Variants in JAKMIP1 observed in about 807,000 individuals in gnomAD.
JAKMIP1 encodes janus kinase and microtubule-interacting protein 1.
In JAKMIP1, 33 loss-of-function variants were observed where a neutral mutation model predicts 113.0. The observed-to-expected ratio is 0.29, with a 90% CI of 0.22 to 0.39. JAKMIP1 has a LOEUF of 0.39. Ranked by LOEUF, JAKMIP1 falls within the 10% of genes least tolerant of loss-of-function variation. JAKMIP1 has a pLI of 1.00. For missense variants in JAKMIP1, 813 were observed against 1,080.5 expected, an observed-to-expected ratio of 0.75 and a Z score of 3.47; for synonymous variants, 480 against 459.9, an observed-to-expected ratio of 1.04 and a Z score of -0.56.
chr4:6,112,598 G>T (rs964586126), intron 2 of JAKMIP1, 124 bp downstream of exon 2: 2 of 1,147,570 alleles, frequency 1.7e-6, no homozygotes, highest in Non-Finnish European at 2.5e-6. Flanking sequence ...GCAGGGCAGA[G>T]AGGTGAAGTG....
intron 1 of JAKMIP1, among the ~76,000 whole-genome samples, chr4:6,144,738 A>G (rs78501167): frequency 0.017 from 2,547 of 152,350 alleles, 18 homozygotes; most frequent in Middle Eastern, 0.051. Context: ...TCACAACCCA[A>G]TAAAGAGCAT....
intron 10 of JAKMIP1, 141 bp from the exon 11 acceptor site, chr4:6,060,648 A>T: frequency 1.5e-6 from 1 of 678,954 alleles, no homozygotes; most frequent in Non-Finnish European, 2.7e-6. Context: ...AGGAGCACGT[A>T]TTCAACCTTG....
chr4:6,028,657 C>T (rs555696904), intron 20 of JAKMIP1, among the ~76,000 whole-genome samples: 7 of 152,242 alleles, frequency 4.6e-5, no homozygotes, highest in South Asian at 2.1e-4. Flanking sequence ...CTCACAAGAC[C>T]GGCCTCAGAC....
At chr4:6,170,659 A>G (rs1205678637) in intron 1 of JAKMIP1, among the ~76,000 whole-genome samples, 2 of 149,282 alleles carry the variant, frequency 1.3e-5, no homozygotes, top group African/African-American at 2.5e-5. Context: ...TACCACCACC[A>G]ATCCCACCAC....
At position 6,067,421 on chromosome 4, in the gene JAKMIP1, C is replaced by T. The variant is rs1396948090; in HGVS notation, c.1303-2413G>A. Among the ~76,000 whole-genome samples, 1 of 152,180 alleles carries T rather than the reference C, an allele frequency of 6.6e-6. No homozygotes were observed. Among genetic ancestry groups the T allele is most frequent in the Non-Finnish European group, 1.5e-5 (1 of 68,034 alleles). On this transcript the variant is annotated intron_variant, in intron 8 of 20. Coordinates refer to ENST00000409021, the MANE Select transcript of JAKMIP1 (RefSeq NM_001099433.2). This position sits in a 1 kb window ranked among gnomAD's most constrained non-coding sequence, Gnocchi z 4.6. ...CCATCAACTTCAATGTCATTTCTCT[C>T]CTTGCAGAGGCTGGAGACAATCATC...
chr4:6,112,156 C>T (rs1002332286), intron 2 of JAKMIP1, among the ~76,000 whole-genome samples: 1 of 152,184 alleles, frequency 6.6e-6, no homozygotes. Flanking sequence ...GAACTGCAAC[C>T]TAACTTAGCA....
At chr4:6,056,047 G>T (rs1716388161) in intron 12 of JAKMIP1, among the ~76,000 whole-genome samples, 1 of 149,744 alleles carries the variant, frequency 6.7e-6, no homozygotes, top group Non-Finnish European at 1.5e-5. Flanking sequence ...TTTCTGCAGG[G>T]TGTCCCCAGA....
In JAKMIP1 at chr4:6,039,565, G is replaced by A. The variant is rs538058632; in HGVS notation, c.2175+1074C>T. ...AAGCACCAAGCCTGGACCAAAACAC[G>A]AATGGAGAATGTCTCCATTCGTTAG... On this transcript the variant is annotated intron_variant, in intron 18 of 20. Transcript: ENST00000409021. Among the ~76,000 whole-genome samples, 5 of 152,248 alleles carry A rather than the reference G, an allele frequency of 3.3e-5. No individual in the cohort carries two copies. The South Asian group carries it at 6.2e-4, about 19-fold the overall frequency.
chr4:6,056,804 G>C (rs1170824653), intron 11 of JAKMIP1, 45 bp from the exon 12 acceptor site: 2 of 1,328,662 alleles, frequency 1.5e-6, no homozygotes, highest in Middle Eastern at 1.8e-4. Flanking sequence ...GAAGCAAACA[G>C]ATGGTCAAGT....
chr4:6,192,019 G>T lies in JAKMIP1; in HGVS notation c.-148+8234C>A, dbSNP rs536287755. On this transcript the variant is annotated intron_variant, in intron 1 of 20. Transcript: ENST00000409021. This position sits in a 1 kb window ranked among gnomAD's most constrained non-coding sequence, Gnocchi z 5.0. ...CCAATCTTGGCTCATTACAACCTCC[G>T]CCTCCCGGGTTTGAGCTATTCTCCT... Among the ~76,000 whole-genome samples the T allele has an allele frequency of 1.3e-5, 2 of 151,808 alleles. No individual in the cohort carries two copies. Among genetic ancestry groups the T allele is most frequent in the East Asian group, 3.9e-4 (2 of 5,156 alleles).
At position 6,194,437 on chromosome 4, in the gene JAKMIP1, G is replaced by A. The variant is rs1357583319; in HGVS notation, c.-148+5816C>T. 2.0e-5 allele frequency: 3 copies of A among 152,132 alleles called. No individual in the cohort carries two copies. Among genetic ancestry groups the A allele is most frequent in the Admixed American group, 6.5e-5 (1 of 15,272 alleles). 9.4% of individuals were successfully genotyped at this position (152,132 alleles called of 1,614,324 possible). A position where few individuals can be genotyped will look rare whatever the true frequency, so the allele number is the denominator to read the frequency against. ...CACCAGATGCAACAGGATAGGGTGAGAGAAGACAGGAGACAGAAGCTCCAA... is the reference window on the plus strand; with the variant it reads ...CACCAGATGCAACAGGATAGGGTGAAAGAAGACAGGAGACAGAAGCTCCAA... On this transcript the variant is annotated intron_variant, in intron 1 of 20. Coordinates refer to ENST00000409021, the MANE Select transcript of JAKMIP1 (RefSeq NM_001099433.2). The surrounding 1 kb of genome is among the most constrained non-coding windows in gnomAD (Gnocchi z 7.4).
At chr4:6,073,169 G>T (rs544013328) in intron 8 of JAKMIP1, among the ~76,000 whole-genome samples, 1 of 151,944 alleles carries the variant, frequency 6.6e-6, no homozygotes, top group South Asian at 2.1e-4. Flanking sequence ...CCTCCAGCAG[G>T]CAGCAGGCTT....
At chr4:6,060,751 T>C (rs1032973130) in intron 10 of JAKMIP1, among the ~76,000 whole-genome samples, 5 of 152,216 alleles carry the variant, frequency 3.3e-5, no homozygotes, top group African/African-American at 9.6e-5. Flanking sequence ...TGCTTGGCTT[T>C]ACAGGCAAGG....
intron 18 of JAKMIP1, among the ~76,000 whole-genome samples, chr4:6,039,727 C>T (rs1300814122): frequency 6.6e-6 from 1 of 152,194 alleles, no homozygotes; most frequent in Non-Finnish European, 1.5e-5. Context: ...AGCCTCACAG[C>T]CTCGACAGGA....
intron 1 of JAKMIP1, among the ~76,000 whole-genome samples, chr4:6,182,368 C>G (rs1190056218): frequency 2.8e-5 from 4 of 141,128 alleles, no homozygotes; most frequent in Non-Finnish European, 6.0e-5. Flanking sequence ...GTGATTACAC[C>G]ACTGCACTCC....
intron 3 of JAKMIP1, among the ~76,000 whole-genome samples, chr4:6,103,533 G>C (rs1713428276): frequency 6.6e-6 from 1 of 152,156 alleles, no homozygotes; most frequent in East Asian, 1.9e-4. Flanking sequence ...GTTAAAATGT[G>C]TTCCTAATTC....
intron 1 of JAKMIP1, among the ~76,000 whole-genome samples, chr4:6,133,453 T>C (rs951559665): frequency 6.6e-6 from 1 of 152,110 alleles, no homozygotes; most frequent in African/African-American, 2.4e-5. Flanking sequence ...CTCAATTCCT[T>C]AAAAAGCAAA....
Position 6,050,762 on chromosome 4 carries a change from CA to C in JAKMIP1, c.1807-84del, listed in dbSNP as rs1715558672. Reference sequence around the variant, plus strand: ...TTTTCCCACGTTACTCAGCAAAAACCAAGGAATTCCAGTGGGCACAGACGTT... The same window carrying C: ...TTTTCCCACGTTACTCAGCAAAAACCAGGAATTCCAGTGGGCACAGACGTT... On this transcript the variant is annotated intron_variant, in intron 13 of 20. Coordinates refer to ENST00000409021, the MANE Select transcript of JAKMIP1 (RefSeq NM_001099433.2). This position sits in a 1 kb window ranked among gnomAD's most constrained non-coding sequence, Gnocchi z 7.4. 1.8e-5 allele frequency: 20 copies of C among 1,119,278 alleles called. No individual in the cohort carries two copies. Among genetic ancestry groups the C allele is most frequent in the Non-Finnish European group, 1.1e-5 (8 of 760,410 alleles). The allele number at this position is 1,119,278 out of a possible 1,614,324, so 69.3% of individuals were successfully genotyped here. A position where few individuals can be genotyped will look rare whatever the true frequency, so the allele number is the denominator to read the frequency against.
In JAKMIP1 at chr4:6,188,291, C is replaced by G. The variant is rs1270199321; in HGVS notation, c.-148+11962G>C. 6.6e-6 allele frequency among the ~76,000 whole-genome samples: 1 copy of G among 152,192 alleles called. No homozygotes were observed. The highest frequency in any genetic ancestry group is 1.9e-4 in the East Asian group (1 of 5,184). On this transcript the variant is annotated intron_variant, in intron 1 of 20. Transcript: ENST00000409021. The surrounding 1 kb of genome is among the most constrained non-coding windows in gnomAD (Gnocchi z 5.8). ...CATGTGGTGACTGGAAGTGTGGAGA[C>G]AGCTCATTGCTTCAGACTAAGGTGG...
Sources: gnomAD v4.1 joint callset for allele counts (sites outside exome capture counted in the v4.1 genomes callset) on GRCh38, gnomAD v4.1.1 for gene constraint, Gnocchi (gnomAD v3.1) non-coding constraint, MANE v1.5 for transcripts, NCBI Gene and HGNC (gene_info 2026-07-23, HGNC 2026-07-21) for gene names.